PIGB: variants seen among roughly 807,000 people sequenced by gnomAD.
PIGB encodes the protein phosphatidylinositol glycan anchor biosynthesis class B.
Under a neutral mutation model 68.4 loss-of-function variants are expected in PIGB, and 58 were observed. The observed-to-expected ratio is 0.85, with a 90% CI of 0.69 to 1.06. The LOEUF (loss-of-function observed/expected upper bound fraction) is 1.06. PIGB is among the 50% of genes least tolerant of loss of function. The pLI, the probability that PIGB is intolerant of heterozygous loss-of-function variation, is 0.00. For synonymous variants in PIGB, 219 were observed against 220.5 expected, an observed-to-expected ratio of 0.99 and a Z score of 0.06; for missense variants, 634 against 655.8, an observed-to-expected ratio of 0.97 and a Z score of 0.36.
At chr15:55,354,583 A>G in intron 10 of PIGB, 1 of 482,104 alleles carries the variant, frequency 2.1e-6, no homozygotes, top group Non-Finnish European at 3.6e-6. Context: ...TTGGGCTTAT[A>G]GGTTATACTG....
intron 5 of PIGB, among the ~76,000 whole-genome samples, chr15:55,331,366 C>T (rs1390680101): frequency 6.6e-6 from 1 of 152,110 alleles, no homozygotes; most frequent in Admixed American, 6.6e-5. Context: ...ATAAGCATGA[C>T]AGATACTATT....
rs750372464 is a variant in PIGB at position 55,333,906 on chromosome 15, T to C, written c.693T>C (p.Ile231=). The change falls in exon 6 of 12, where the codon ATT becomes ATC. Residue 231 remains isoleucine (I), a synonymous_variant. Transcript: ENST00000164305. The part of the protein sequence containing the change: ...YSSLVALAFI[I]RPTAVILWTP... ...CCCTGGTGGCACTTGCCTTCATAAT[T>C]CGTCCCACAGCTGTCATTCTGTGGA... 2 of 1,608,130 alleles carry C rather than the reference T, an allele frequency of 1.2e-6. No individual in the cohort carries two copies. Among genetic ancestry groups the C allele is most frequent in the African/African-American group, 2.7e-5 (2 of 74,658 alleles).
At chr15:55,346,293 G>A (rs1397333481) in intron 9 of PIGB, 1 of 152,178 alleles carries the variant, frequency 6.6e-6, no homozygotes, top group African/African-American at 2.4e-5. Context: ...AGTCAACTGA[G>A]ATGTAATGGA....
At chr15:55,341,644 A>G (rs1425933645) in intron 8 of PIGB, 94 bp from the exon 9 acceptor site, 13 of 416,438 alleles carry the variant, frequency 3.1e-5, no homozygotes, top group Middle Eastern at 7.5e-4. Context: ...AAATAGATCA[A>G]GTTAAATATA....
chr15:55,329,762 C>T lies in PIGB; in HGVS notation c.561C>T (p.Cys187=), dbSNP rs1482329214. 6.2e-7 allele frequency: 1 copy of T among 1,609,990 alleles called. No homozygotes were observed. Among genetic ancestry groups the T allele is most frequent in the South Asian group, 1.1e-5 (1 of 90,966 alleles). Residue 187 remains cysteine (C), a synonymous_variant, in exon 5 of 12, where the codon TGC becomes TGT. Transcript: ENST00000164305. ...TGTGCTCCTGGTTCACATGGTATTGCTGTACCAGAACCCTTACAAACACCA... is the reference window on the plus strand; with the variant it reads ...TGTGCTCCTGGTTCACATGGTATTGTTGTACCAGAACCCTTACAAACACCA... ...CQLCSWFTWY[C]CTRTLTNTME... is the part of the protein sequence containing the mutation.
intron 5 of PIGB, among the ~76,000 whole-genome samples, chr15:55,332,299 G>C (rs900106491): frequency 6.6e-5 from 10 of 151,192 alleles, no homozygotes; most frequent in African/African-American, 2.4e-4. Context: ...TAGTTTACTG[G>C]GTCTCTGTAA....
intron 7 of PIGB, among the ~76,000 whole-genome samples, chr15:55,339,610 A>G (rs1473212067): frequency 3.3e-5 from 5 of 152,222 alleles, no homozygotes; most frequent in Non-Finnish European, 7.3e-5. Context: ...TTCAAATTGT[A>G]ATGTTTTCAA....
At chr15:55,332,364 TTC>T (rs2055436314) in intron 5 of PIGB, among the ~76,000 whole-genome samples, 2 of 151,972 alleles carry the variant, frequency 1.3e-5, no homozygotes. Context: ...ACAGAATTCA[TTC>T]TTTTTTTTTT....
chr15:55,334,049 C>T (rs751274041), intron 6 of PIGB, 42 bp downstream of exon 6: 13 of 1,415,176 alleles, frequency 9.2e-6, no homozygotes, highest in African/African-American at 2.9e-5. Context: ...TAGTAGCCTA[C>T]AAATCACAGA....
At chr15:55,320,600 C>T (rs2055141818) in intron 2 of PIGB, among the ~76,000 whole-genome samples, 190 bp downstream of exon 2, 1 of 152,072 alleles carries the variant, frequency 6.6e-6, no homozygotes, top group South Asian at 2.1e-4. Context: ...GTAAAAAATA[C>T]ACACACGCTT....
chr15:55,342,772 A>G (rs1348144871), intron 9 of PIGB, among the ~76,000 whole-genome samples: 2 of 152,180 alleles, frequency 1.3e-5, no homozygotes, highest in Non-Finnish European at 2.9e-5. Flanking sequence ...CTTAACATGT[A>G]TTTTTTTGTC....
At chr15:55,337,112 A>G (rs1452742921) in intron 6 of PIGB, among the ~76,000 whole-genome samples, 3 of 152,140 alleles carry the variant, frequency 2.0e-5, no homozygotes, top group African/African-American at 7.2e-5. Flanking sequence ...TAAAATGGCC[A>G]ATAAATATAA....
At chr15:55,322,346 A>G (rs907980505) in intron 3 of PIGB, among the ~76,000 whole-genome samples, 33 of 152,328 alleles carry the variant, frequency 2.2e-4, no homozygotes, top group African/African-American at 7.7e-4. Context: ...ACATTTAATG[A>G]TCTGCATAAT....
intron 3 of PIGB, among the ~76,000 whole-genome samples, chr15:55,323,498 C>G (rs894139179): frequency 2.0e-5 from 3 of 152,200 alleles, no homozygotes; most frequent in African/African-American, 7.2e-5. Context: ...TAGAGCTGCA[C>G]TGTCCACCAT....
chr15:55,350,542 T>C, intron 9 of PIGB, 157 bp from the exon 10 acceptor site: 1 of 621,356 alleles, frequency 1.6e-6, no homozygotes, highest in South Asian at 2.0e-5. Flanking sequence ...CAGTAGTGAA[T>C]GGTGAATGGT....
chr15:55,351,873 C>CCA (rs2055930905), intron 10 of PIGB: 2 of 55,036 alleles, frequency 3.6e-5, no homozygotes, highest in Non-Finnish European at 6.8e-5. Context: ...ACTCTGTCTC[C>CCA]AAAAAAAAAA....
chr15:55,339,421 A>C, intron 7 of PIGB, 103 bp downstream of exon 7: 1 of 727,006 alleles, frequency 1.4e-6, no homozygotes, highest in Non-Finnish European at 2.3e-6. Flanking sequence ...ATACATTACA[A>C]AAGACTTCTA....
At chr15:55,331,559 C>T (rs2055414753) in intron 5 of PIGB, among the ~76,000 whole-genome samples, 1 of 152,016 alleles carries the variant, frequency 6.6e-6, no homozygotes, top group South Asian at 2.1e-4. Context: ...ACTAAAAATA[C>T]AAAATTAGCT....
chr15:55,339,467 T>G (rs1705300661), intron 7 of PIGB, 149 bp downstream of exon 7: 2 of 596,672 alleles, frequency 3.4e-6, no homozygotes, highest in Admixed American at 3.5e-5. Context: ...CAATTTGTTG[T>G]GCTTTCTACA....
Sources: gnomAD v4.1 joint callset for allele counts (sites outside exome capture counted in the v4.1 genomes callset) on GRCh38, gnomAD v4.1.1 for gene constraint, MANE v1.5 for transcripts, NCBI Gene and HGNC (gene_info 2026-07-23, HGNC 2026-07-21) for gene names.